The following CCDC152 variants were observed in gnomAD, a reference collection of about 807,000 sequenced individuals.
CCDC152 encodes the protein coiled-coil domain-containing protein 152.
In CCDC152, 37 loss-of-function variants were observed where a neutral mutation model predicts 38.1. That is an observed-to-expected ratio of 0.97 (90% CI 0.75 to 1.28). The LOEUF is 1.28. Ranked by LOEUF, CCDC152 falls within the 50% of genes most tolerant of loss-of-function variation. CCDC152 has a pLI of 0.00. For synonymous variants in CCDC152, 83 were observed against 87.1 expected (o/e 0.95, Z 0.26); for missense variants, 259 against 292.1 (o/e 0.89, Z 0.83).
chr5:42,764,488 A>G (rs1759599817), intron 3 of CCDC152, among the ~76,000 whole-genome samples: 1 of 152,202 alleles, frequency 6.6e-6, no homozygotes, highest in Non-Finnish European at 1.5e-5. Flanking sequence ...AAATAACTAC[A>G]GGCTAATATC....
chr5:42,779,556 C>T (rs1405728793), intron 5 of CCDC152, 34 bp downstream of exon 5: 1 of 1,157,058 alleles, frequency 8.6e-7, no homozygotes, highest in Admixed American at 2.7e-5. Flanking sequence ...CAGTCAAGTC[C>T]CTGTGGAGAT....
intron 3 of CCDC152, 48 bp from the exon 4 acceptor site, chr5:42,769,549 A>G (rs1014027164): frequency 2.8e-6 from 4 of 1,422,142 alleles, no homozygotes; most frequent in African/African-American, 3.0e-5. Flanking sequence ...GAATAATTCC[A>G]AAATGAAAGC....
rs910591739 is a variant in CCDC152, at chr5:42,776,747, T to A, written c.263-2711T>A. On this transcript the variant is annotated intron_variant, in intron 4 of 8. Coordinates refer to ENST00000361970, the MANE Select transcript of CCDC152 (RefSeq NM_001134848.2). ...GGCCACAATGGAATTAAAGTAGACA[T>A]CAAAAACAGAAAGGTAGATGAAAAA... Among the ~76,000 whole-genome samples the A allele has an allele frequency of 1.7e-4, 26 of 151,992 alleles. 1 individual carries two copies. The highest frequency in any genetic ancestry group is 6.3e-4 in the African/African-American group (26 of 41,368).
intron 6 of CCDC152, among the ~76,000 whole-genome samples, chr5:42,788,094 T>G (rs1463742158): frequency 1.3e-5 from 2 of 152,216 alleles, no homozygotes; most frequent in African/African-American, 4.8e-5. Context: ...TTTCCATGTT[T>G]AAAACTCCTT....
chr5:42,796,865 A>AG lies in CCDC152; in HGVS notation c.468dup (p.Lys157GlufsTer23). 1 of 1,522,694 alleles carries AG rather than the reference A, an allele frequency of 6.6e-7. No individual in the cohort carries two copies. The highest frequency in any genetic ancestry group is 8.8e-7 in the Non-Finnish European group (1 of 1,136,610). 94.3% of individuals were successfully genotyped at this position (1,522,694 alleles called of 1,614,324 possible). On this transcript the variant is annotated frameshift_variant, in exon 7 of 9. Transcript: ENST00000361970. LOFTEE classifies it high-confidence loss of function. ...GAAGAAAAGCACAAAGAACTAATAG[A>AG]GAAAAAGGAGATGGAAATTTCAGAG... is the stretch of plus-strand genomic sequence containing the variant.
intron 2 of CCDC152, among the ~76,000 whole-genome samples, chr5:42,759,632 C>G (rs1759523106): frequency 6.6e-6 from 1 of 152,172 alleles, no homozygotes; most frequent in South Asian, 2.1e-4. Flanking sequence ...CTTCCATTGT[C>G]TCTGTCAGTC....
rs1759790963 is a variant in CCDC152 at position 42,778,011 on chromosome 5, G to A, written c.263-1447G>A. ...CAAACCTTCCTAAAAGCATTATTCA[G>A]ATAATGTCAAAAATCTTTACTGATT... On this transcript the variant is annotated intron_variant, in intron 4 of 8. Transcript: ENST00000361970. Among the ~76,000 whole-genome samples the A allele has an allele frequency of 3.3e-5, 5 of 152,298 alleles. 1 individual carries two copies. In the South Asian group the frequency reaches 1.0e-3, roughly 32 times the overall value.
chr5:42,777,649 T>A (rs1007401118), intron 4 of CCDC152, among the ~76,000 whole-genome samples: 1 of 152,218 alleles, frequency 6.6e-6, no homozygotes, highest in Non-Finnish European at 1.5e-5. Flanking sequence ...GTGTAACACT[T>A]TTCCTATCGG....
chr5:42,799,081 G>T (rs1288197112), intron 7 of CCDC152, among the ~76,000 whole-genome samples: 1 of 151,914 alleles, frequency 6.6e-6, no homozygotes, highest in Admixed American at 6.6e-5. Flanking sequence ...AAAAGATGAC[G>T]CTAGCTGCAC....
intron 6 of CCDC152, among the ~76,000 whole-genome samples, chr5:42,790,296 T>G (rs1001117771): frequency 2.6e-5 from 4 of 151,954 alleles, no homozygotes; most frequent in African/African-American, 9.7e-5. Context: ...AGATGAAAAA[T>G]AAGCCATGAA....
chr5:42,768,142 G>A (rs1386907635), intron 3 of CCDC152, among the ~76,000 whole-genome samples: 1 of 152,168 alleles, frequency 6.6e-6, no homozygotes, highest in African/African-American at 2.4e-5. Context: ...ACATGAGACT[G>A]AGTGCAGAAT....
intron 4 of CCDC152, among the ~76,000 whole-genome samples, chr5:42,771,756 T>C (rs374235446): frequency 2.6e-5 from 4 of 152,150 alleles, no homozygotes; most frequent in East Asian, 3.9e-4. Context: ...ATAAGGAGAT[T>C]GAGTAAATAA....
At chr5:42,793,582 A>T (rs1760034127) in intron 6 of CCDC152, among the ~76,000 whole-genome samples, 1 of 152,192 alleles carries the variant, frequency 6.6e-6, no homozygotes, top group South Asian at 2.1e-4. Context: ...GATTAATATA[A>T]TCAAAGAAAT....
rs1053743082 is a variant in CCDC152, at chr5:42,800,127, A to G, written c.*346A>G. ...AGAAGAGTATGATACAACATTAGAGAAAGAAAGATACAAAGGCTTTATTCA... is the reference window on the plus strand; with the variant it reads ...AGAAGAGTATGATACAACATTAGAGGAAGAAAGATACAAAGGCTTTATTCA... On this transcript the variant is annotated 3_prime_UTR_variant, in exon 9 of 9. Coordinates refer to ENST00000361970, the MANE Select transcript of CCDC152 (RefSeq NM_001134848.2). The G allele has an allele frequency of 1.6e-5, 3 of 184,256 alleles. No homozygotes were observed. Among genetic ancestry groups the G allele is most frequent in the East Asian group, 3.1e-4 (2 of 6,434 alleles). 11.4% of individuals were successfully genotyped at this position (184,256 alleles called of 1,614,324 possible).
chr5:42,766,906 G>C (rs1415692598), intron 3 of CCDC152, among the ~76,000 whole-genome samples: 2 of 151,804 alleles, frequency 1.3e-5, no homozygotes, highest in African/African-American at 4.8e-5. Context: ...GTAACTTAAA[G>C]AGTGTAACTG....
Position 42,800,598 on chromosome 5 carries a change from A to T in CCDC152, c.*817A>T. 1 of 1,219,640 alleles carries T rather than the reference A, an allele frequency of 8.2e-7. No homozygotes were observed. The allele number at this position is 1,219,640 out of a possible 1,614,324, so 75.6% of individuals were successfully genotyped here. On this transcript the variant is annotated 3_prime_UTR_variant, in exon 9 of 9. Transcript: ENST00000361970. The stretch of plus-strand genomic sequence containing the variant: ...TAAAATCTGGAAGCCAATTCAGTAG[A>T]TTTCTCCATGTTTGCACAAATCTAA...
chr5:42,767,688 G>A (rs553725516), intron 3 of CCDC152, among the ~76,000 whole-genome samples: 25 of 152,322 alleles, frequency 1.6e-4, no homozygotes, highest in African/African-American at 5.3e-4. Context: ...AAAATGTGGT[G>A]AGAGAGCCAC....
intron 6 of CCDC152, among the ~76,000 whole-genome samples, chr5:42,786,878 T>C (rs762023088): frequency 6.6e-6 from 1 of 152,052 alleles, no homozygotes; most frequent in Non-Finnish European, 1.5e-5. Flanking sequence ...AAGTTTTCAT[T>C]TCTGTTTTTT....
chr5:42,762,600 G>T (rs775352655), intron 3 of CCDC152, 52 bp downstream of exon 3: 167 of 930,396 alleles, frequency 1.8e-4, no homozygotes, highest in Non-Finnish European at 2.7e-4. Context: ...GTGTTTTTCA[G>T]TTCAACAGTG....
Sources: gnomAD v4.1 joint callset for allele counts (sites outside exome capture counted in the v4.1 genomes callset) on GRCh38, gnomAD v4.1.1 for gene constraint, MANE v1.5 for transcripts, NCBI Gene and HGNC (gene_info 2026-07-23, HGNC 2026-07-21) for gene names.